The following ROBO1 variants were observed in gnomAD, a reference collection of about 807,000 sequenced individuals.
ROBO1 encodes roundabout guidance receptor 1.
Under a neutral mutation model 195.9 loss-of-function variants are expected in ROBO1, and 149 were observed. That is an observed-to-expected ratio of 0.76 (90% CI 0.67 to 0.87). The LOEUF (loss-of-function observed/expected upper bound fraction) is 0.87, where lower values mean the gene tolerates loss of function less well. ROBO1 is among the 40% of genes least tolerant of loss of function. ROBO1 has a pLI of 0.00. For missense variants in ROBO1, 1,933 were observed against 2,068.3 expected (o/e 0.93, Z 1.27); for synonymous variants, 816 against 733.2 (o/e 1.11, Z -1.82).
intron 5 of ROBO1, among the ~76,000 whole-genome samples, chr3:78,744,645 A>G (rs2082612970): frequency 6.6e-6 from 1 of 152,100 alleles, no homozygotes; most frequent in East Asian, 1.9e-4. Flanking sequence ...TCTATTTAAT[A>G]TTTTATCTGC....
intron 2 of ROBO1, among the ~76,000 whole-genome samples, chr3:79,471,078 G>A (rs1463088843): frequency 1.3e-5 from 2 of 152,038 alleles, no homozygotes; most frequent in African/African-American, 4.8e-5. Context: ...TCAATAAATG[G>A]TGCTGGGAAA....
intron 1 of ROBO1, among the ~76,000 whole-genome samples, chr3:79,636,277 A>G (rs1415724377): frequency 6.6e-6 from 1 of 152,178 alleles, no homozygotes; most frequent in East Asian, 1.9e-4. Context: ...ACATGGATTC[A>G]ACAAATACAA....
intron 2 of ROBO1, among the ~76,000 whole-genome samples, chr3:79,143,882 A>G (rs1463364077): frequency 6.6e-6 from 1 of 151,964 alleles, no homozygotes; most frequent in Non-Finnish European, 1.5e-5. Flanking sequence ...TATACTCTGA[A>G]CTACTAATCT....
chr3:79,626,429 C>A (rs1368702586), intron 1 of ROBO1, among the ~76,000 whole-genome samples: 1 of 151,942 alleles, frequency 6.6e-6, no homozygotes, highest in African/African-American at 2.4e-5. Context: ...GAGCAAGACT[C>A]CATCAAAAAC....
chr3:79,283,972 C>T (rs978343890), intron 2 of ROBO1, among the ~76,000 whole-genome samples: 7 of 152,050 alleles, frequency 4.6e-5, no homozygotes, highest in Admixed American at 3.3e-4. Flanking sequence ...GCTGGGATTA[C>T]AGGCGTGAGC....
chr3:79,043,009 A>G (rs1396776482), intron 3 of ROBO1, among the ~76,000 whole-genome samples: 1 of 152,160 alleles, frequency 6.6e-6, no homozygotes, highest in Non-Finnish European at 1.5e-5. Context: ...GCCAAATGTA[A>G]TTCTTTTACT....
intron 3 of ROBO1, among the ~76,000 whole-genome samples, chr3:79,075,931 G>A (rs1405980259): frequency 6.6e-6 from 1 of 151,592 alleles, no homozygotes; most frequent in Non-Finnish European, 1.5e-5. Context: ...AACATTGTGT[G>A]ATTTATATCT....
intron 1 of ROBO1, among the ~76,000 whole-genome samples, chr3:79,696,821 G>C (rs955659764): frequency 6.6e-6 from 1 of 151,432 alleles, no homozygotes; most frequent in African/African-American, 2.4e-5. Flanking sequence ...GCCATGTTCA[G>C]ACCAAGATTA....
intron 2 of ROBO1, among the ~76,000 whole-genome samples, chr3:79,512,339 A>G (rs1940749691): frequency 1.3e-5 from 2 of 152,156 alleles, no homozygotes; most frequent in African/African-American, 4.8e-5. Flanking sequence ...GTCTTGTGCT[A>G]TATTGAATTC....
At chr3:78,669,953 A>C (rs1707966724) in intron 11 of ROBO1, 143 bp downstream of exon 11, 2 of 623,468 alleles carry the variant, frequency 3.2e-6, no homozygotes, top group Admixed American at 6.8e-5. Context: ...TATCTGAAAA[A>C]AATAAAACAT....
chr3:78,778,364 G>A (rs1332988521), intron 4 of ROBO1, among the ~76,000 whole-genome samples: 1 of 152,148 alleles, frequency 6.6e-6, no homozygotes, highest in Non-Finnish European at 1.5e-5. Context: ...GAGTTAGGGA[G>A]GAGTCCCTCT....
intron 4 of ROBO1, among the ~76,000 whole-genome samples, chr3:78,779,568 C>T (rs200016574): frequency 6.6e-6 from 1 of 152,108 alleles, no homozygotes; most frequent in Non-Finnish European, 1.5e-5. Flanking sequence ...TGCCATCTCA[C>T]GTCAGTTAGA....
chr3:79,048,296 T>A (rs1295816224), intron 3 of ROBO1, among the ~76,000 whole-genome samples: 4 of 152,148 alleles, frequency 2.6e-5, no homozygotes, highest in Admixed American at 1.3e-4. Context: ...TTATTTTTCC[T>A]TATGCTTTAG....
intron 5 of ROBO1, among the ~76,000 whole-genome samples, chr3:78,732,155 T>C (rs1293887681): frequency 6.6e-6 from 1 of 152,150 alleles, no homozygotes; most frequent in Non-Finnish European, 1.5e-5. Flanking sequence ...AAAGCTTCTA[T>C]AGAGGGCTTT....
chr3:79,583,079 A>G (rs1007793768), intron 2 of ROBO1, among the ~76,000 whole-genome samples: 14 of 152,112 alleles, frequency 9.2e-5, no homozygotes, highest in African/African-American at 2.4e-4. Flanking sequence ...AACATCTAAG[A>G]CAAGACCTCA....
At chr3:78,981,244 G>C (rs546088360) in intron 3 of ROBO1, among the ~76,000 whole-genome samples, 1 of 152,056 alleles carries the variant, frequency 6.6e-6, no homozygotes, top group East Asian at 1.9e-4. Flanking sequence ...TAATAGTAAT[G>C]GTTCACATTT....
chr3:78,978,137 AGAT>A (rs1257647549), intron 3 of ROBO1, among the ~76,000 whole-genome samples: 2 of 152,184 alleles, frequency 1.3e-5, no homozygotes, highest in Non-Finnish European at 2.9e-5. Flanking sequence ...AATTGACTGT[AGAT>A]GATATTTTGA....
chr3:79,724,743 A>G (rs1480635832), intron 1 of ROBO1, among the ~76,000 whole-genome samples: 2 of 152,230 alleles, frequency 1.3e-5, no homozygotes, highest in Admixed American at 1.3e-4. Flanking sequence ...CCAGCAAATC[A>G]TGCCTGAATT....
intron 2 of ROBO1, among the ~76,000 whole-genome samples, chr3:79,540,289 C>T (rs990917592): frequency 2.0e-5 from 3 of 151,998 alleles, no homozygotes; most frequent in African/African-American, 7.2e-5. Context: ...TTTATAGTCA[C>T]CAATTATGAG....
Sources: gnomAD v4.1 joint callset for allele counts (sites outside exome capture counted in the v4.1 genomes callset) on GRCh38, gnomAD v4.1.1 for gene constraint, MANE v1.5 for transcripts, NCBI Gene and HGNC (gene_info 2026-07-23, HGNC 2026-07-21) for gene names.